The following ERCC6 variants were observed in gnomAD, a reference collection of about 807,000 sequenced individuals.
ERCC6 encodes DNA excision repair protein ERCC-6.
A neutral mutation model predicts 158.7 loss-of-function variants in ERCC6; 116 were observed. That is an observed-to-expected ratio of 0.73 (90% CI 0.63 to 0.85). The LOEUF (loss-of-function observed/expected upper bound fraction) is 0.85, where lower values mean the gene tolerates loss of function less well. Ranked by LOEUF, ERCC6 falls within the 40% of genes least tolerant of loss-of-function variation. ERCC6 has a pLI of 0.00. For missense variants in ERCC6, 1,698 were observed against 1,799.4 expected (o/e 0.94, Z 1.02); for synonymous variants, 678 against 659.3 (o/e 1.03, Z -0.43).
the ERCC6 span, among the ~76,000 whole-genome samples, chr10:49,444,454 G>A: frequency 6.6e-6 from 1 of 152,294 alleles, no homozygotes; most frequent in South Asian, 2.1e-4. Context: ...ACTGGAGGAG[G>A]CAAAAGGAGA....
At chr10:49,504,344 T>C (rs1273623642) in intron 6 of ERCC6, 3 of 152,176 alleles carry the variant, frequency 2.0e-5, no homozygotes, top group Non-Finnish European at 2.9e-5. Context: ...TTAAGACTAA[T>C]TTTTAAAAAA....
chr10:49,439,321 A>T, the ERCC6 span, among the ~76,000 whole-genome samples: 5 of 152,318 alleles, frequency 3.3e-5, no homozygotes, highest in South Asian at 1.0e-3. Flanking sequence ...CTCAGGCTCA[A>T]CACCATGTGG....
At chr10:49,478,995 A>G (rs1421896461) in intron 10 of ERCC6, among the ~76,000 whole-genome samples, 1 of 152,178 alleles carries the variant, frequency 6.6e-6, no homozygotes, top group Non-Finnish European at 1.5e-5. Flanking sequence ...GACTTACAAG[A>G]GTAAGTTCAA....
At chr10:49,451,980 G>C (rs1197443992), downstream of ERCC6, among the ~76,000 whole-genome samples, 1 of 152,062 alleles carries the variant, frequency 6.6e-6, no homozygotes, top group East Asian at 1.9e-4. Flanking sequence ...TTTCATATCA[G>C]ATCCTAGTAA....
intron 8 of ERCC6, among the ~76,000 whole-genome samples, chr10:49,491,802 A>T (rs940292644): frequency 2.0e-5 from 3 of 152,190 alleles, no homozygotes; most frequent in African/African-American, 7.2e-5. Flanking sequence ...ACATCAGCTA[A>T]TGAGTCCTGC....
At position 49,505,805 on chromosome 10, in the gene ERCC6, T is replaced by C. The variant is rs1185809287; in HGVS notation, c.1526+79A>G. The C allele has an allele frequency of 2.5e-6, 4 of 1,570,174 alleles. No homozygotes were observed. In the Admixed American group the frequency reaches 6.8e-5, roughly 26 times the overall value. On this transcript the variant is annotated intron_variant, in intron 6 of 20. Transcript: ENST00000355832. ...AGTACCTTCAGGGCCCACAGGTAAC[T>C]ACTATGTAATTCCTAAAATGTTAAT...
intron 10 of ERCC6, 37 bp from the exon 11 acceptor site, chr10:49,478,507 T>C (rs377498675): frequency 1.6e-6 from 2 of 1,271,936 alleles, no homozygotes; most frequent in Non-Finnish European, 2.3e-6. Context: ...TTACTATATA[T>C]GTTTAAGGAA....
intron 5 of ERCC6, among the ~76,000 whole-genome samples, chr10:49,521,929 C>T (rs1305243162): frequency 2.0e-5 from 3 of 152,098 alleles, no homozygotes; most frequent in African/African-American, 7.2e-5. Context: ...AGTGAAAGGC[C>T]GATGGCTCTC....
chr10:49,474,280 C>A, intron 12 of ERCC6, 38 bp from the exon 13 acceptor site: 1 of 1,526,468 alleles, frequency 6.6e-7, no homozygotes, highest in South Asian at 1.1e-5. Flanking sequence ...TCAGATGACC[C>A]CATGTAAAGT....
In ERCC6 at chr10:49,474,232, C is replaced by T; in HGVS notation, c.2393G>A (p.Gly798Glu). 6.2e-7 allele frequency: 1 copy of T among 1,613,844 alleles called. No homozygotes were observed. The highest frequency in any genetic ancestry group is 8.5e-7 in the Non-Finnish European group (1 of 1,179,840). Residue 798 changes from glycine (G) to glutamate (E), a missense_variant, in exon 13 of 21, where the codon GGA (glycine) becomes GAA (glutamate). Coordinates refer to ENST00000355832, the MANE Select transcript of ERCC6 (RefSeq NM_000124.4). Reference sequence around the variant, plus strand: ...GCAAATTTTTCTTAGGGCTATAAGTCCGGAGAAAATCTGTGGTAAGAAAGA... The same window carrying T: ...GCAAATTTTTCTTAGGGCTATAAGTTCGGAGAAAATCTGTGGTAAGAAAGA... ...ILNGEMQIFS[G>E]LIALRKICNH...
intron 5 of ERCC6, among the ~76,000 whole-genome samples, chr10:49,508,092 T>C (rs1410655595): frequency 1.3e-5 from 2 of 152,180 alleles, no homozygotes; most frequent in Admixed American, 6.5e-5. Flanking sequence ...AACTTCTGCA[T>C]AACAAAGGAT....
chr10:49,501,568 A>C (rs1175439620), intron 6 of ERCC6: 1 of 152,154 alleles, frequency 6.6e-6, no homozygotes, highest in Non-Finnish European at 1.5e-5. Context: ...AATACAAAAA[A>C]ATTTTCGGAG....
chr10:49,506,077 T>C (rs895825301), intron 5 of ERCC6, 65 bp from the exon 6 acceptor site: 3 of 1,592,348 alleles, frequency 1.9e-6, no homozygotes, highest in Non-Finnish European at 2.6e-6. Flanking sequence ...AAAAGATAGC[T>C]CCTGATAATG....
chr10:49,538,267 G>C (rs1458627055), intron 1 of ERCC6, among the ~76,000 whole-genome samples: 1 of 152,240 alleles, frequency 6.6e-6, no homozygotes, highest in Non-Finnish European at 1.5e-5. Flanking sequence ...AGAGGGGACA[G>C]GCAAGGGCCA....
downstream of ERCC6, among the ~76,000 whole-genome samples, chr10:49,450,466 T>G (rs1370542203): frequency 6.6e-6 from 1 of 152,222 alleles, no homozygotes; most frequent in East Asian, 1.9e-4. Context: ...TTTTCAGGAT[T>G]TCTTTGGCTA....
chr10:49,534,928 C>G (rs1369556993), intron 1 of ERCC6, among the ~76,000 whole-genome samples: 1 of 152,210 alleles, frequency 6.6e-6, no homozygotes, highest in Admixed American at 6.5e-5. Context: ...ACTGGAGCAG[C>G]AGCATGTCAG....
At position 49,524,365 on chromosome 10, in the gene ERCC6, C is replaced by A. The variant is rs1271329825; in HGVS notation, c.1065G>T (p.Trp355Cys). The change falls in exon 5 of 21, where the codon TGG (tryptophan) becomes TGT (cysteine). Residue 355 changes from tryptophan (W) to cysteine (C), a missense_variant. Coordinates refer to ENST00000355832, the MANE Select transcript of ERCC6 (RefSeq NM_000124.4). ...CTGCCTCTGGCCTCATGTCTGACTC[C>A]CAAGGTCTCCTTGCCTTTGGCAATC... Reference protein sequence around the residue: ...KVGLPKARRPWESDMRPEAEG... With the variant: ...KVGLPKARRPCESDMRPEAEG... 1 of 1,614,164 alleles carries A rather than the reference C, an allele frequency of 6.2e-7. No individual in the cohort carries two copies. Among genetic ancestry groups the A allele is most frequent in the South Asian group, 1.1e-5 (1 of 91,078 alleles).
downstream of ERCC6, among the ~76,000 whole-genome samples, chr10:49,453,803 C>A (rs1850447637): frequency 6.6e-6 from 1 of 152,030 alleles, no homozygotes; most frequent in South Asian, 2.1e-4. Context: ...GACTGTTATA[C>A]CTGCCTTCTG....
At chr10:49,528,265 A>G (rs1352665643) in intron 4 of ERCC6, 152 bp downstream of exon 4, 3 of 870,320 alleles carry the variant, frequency 3.4e-6, no homozygotes, top group Non-Finnish European at 1.9e-6. Flanking sequence ...GCAGGTGTAG[A>G]GAATAAAATT....
Sources: gnomAD v4.1 joint callset for allele counts (sites outside exome capture counted in the v4.1 genomes callset) on GRCh38, gnomAD v4.1.1 for gene constraint, MANE v1.5 for transcripts, NCBI Gene and HGNC (gene_info 2026-07-23, HGNC 2026-07-21) for gene names.